STPG4: variants seen among roughly 807,000 people sequenced by gnomAD.
STPG4 encodes sperm-tail PG-rich repeat containing 4.
A neutral mutation model predicts 31.5 loss-of-function variants in STPG4; 41 were observed. The observed-to-expected ratio is 1.30, with a 90% CI of 1.01 to 1.69. The LOEUF (loss-of-function observed/expected upper bound fraction) is 1.69. Among genes scored for constraint, STPG4 ranks in the 40% most tolerant of loss-of-function variants. The pLI is 0.00. For synonymous variants in STPG4, 141 were observed against 103.0 expected, an observed-to-expected ratio of 1.37 and a Z score of -2.24; for missense variants, 375 against 293.4, an observed-to-expected ratio of 1.28 and a Z score of -2.03.
intron 3 of STPG4, among the ~76,000 whole-genome samples, chr2:47,131,630 TGGG>T (rs907935212): frequency 6.6e-6 from 1 of 152,026 alleles, no homozygotes; most frequent in African/African-American, 2.4e-5. Context: ...ATTGAAGATA[TGGG>T]GGTAGGAAGA....
chr2:47,110,332 G>A (rs568409706), intron 5 of STPG4, among the ~76,000 whole-genome samples: 5 of 152,296 alleles, frequency 3.3e-5, no homozygotes, highest in South Asian at 2.1e-4. Flanking sequence ...GGTGGCTCAC[G>A]CCTGTAATCC....
At chr2:47,119,441 T>G (rs889081596) in intron 5 of STPG4, among the ~76,000 whole-genome samples, 4 of 152,226 alleles carry the variant, frequency 2.6e-5, no homozygotes, top group South Asian at 2.1e-4. Flanking sequence ...ATCAACTACC[T>G]TCTGCTATTT....
rs561820728 is a variant in STPG4, at chr2:47,092,027, A to C, written c.520-1653T>G. On this transcript the variant is annotated intron_variant, in intron 5 of 6. Coordinates refer to ENST00000445927, the MANE Select transcript of STPG4 (RefSeq NM_001163561.2). ...TAAGTCAAAAATGCAAGCTGAACAA[A>C]TGTGCATTAAAAAAACTTGGAATGA... Among the ~76,000 whole-genome samples, 3 of 149,792 alleles carry C rather than the reference A, an allele frequency of 2.0e-5. No homozygotes were observed. In the South Asian group the frequency reaches 6.4e-4, roughly 32 times the overall value.
At chr2:47,152,267 C>A (rs1686953507) in intron 2 of STPG4, among the ~76,000 whole-genome samples, 1 of 152,216 alleles carries the variant, frequency 6.6e-6, no homozygotes, top group Non-Finnish European at 1.5e-5. Context: ...CCAGGATAAA[C>A]TGGCAGAGCA....
In STPG4 at chr2:47,130,184, G is replaced by A. The variant is rs763996392; in HGVS notation, c.464+12C>T. On this transcript the variant is annotated intron_variant, in intron 4 of 6. Coordinates refer to ENST00000445927, the MANE Select transcript of STPG4 (RefSeq NM_001163561.2). ...AACAGAAAGGCAGCTTATTTAATAA[G>A]TATATAATTACCTGGAAGCATATTT... 5.6e-6 allele frequency: 9 copies of A among 1,608,780 alleles called. No homozygotes were observed. In the South Asian group the frequency reaches 8.8e-5, roughly 16 times the overall value.
At chr2:47,134,256 T>G (rs568721521) in intron 3 of STPG4, among the ~76,000 whole-genome samples, 6 of 152,324 alleles carry the variant, frequency 3.9e-5, no homozygotes, top group Admixed American at 6.5e-5. Flanking sequence ...ACTCTTGGTG[T>G]TGTACTTTCA....
At chr2:47,149,042 C>T (rs944957249) in intron 3 of STPG4, among the ~76,000 whole-genome samples, 1 of 152,106 alleles carries the variant, frequency 6.6e-6, no homozygotes. Context: ...CTGAGTTCTG[C>T]TATTAAAACA....
intron 5 of STPG4, among the ~76,000 whole-genome samples, chr2:47,106,982 T>A (rs1315893130): frequency 6.6e-6 from 1 of 151,944 alleles, no homozygotes; most frequent in Non-Finnish European, 1.5e-5. Context: ...ACCTCCCCTC[T>A]GGAGGACACT....
chr2:47,092,997 T>C (rs1685602081), intron 5 of STPG4, among the ~76,000 whole-genome samples: 1 of 152,194 alleles, frequency 6.6e-6, no homozygotes, highest in Non-Finnish European at 1.5e-5. Context: ...TTCACCATAT[T>C]GGCCAGGCTG....
intron 3 of STPG4, among the ~76,000 whole-genome samples, chr2:47,141,589 G>A (rs887813825): frequency 6.0e-5 from 9 of 150,896 alleles, no homozygotes; most frequent in Non-Finnish European, 1.2e-4. Context: ...TAAATAAGCC[G>A]CTTGACTAAC....
At chr2:47,099,953 C>T (rs1685756477) in intron 5 of STPG4, among the ~76,000 whole-genome samples, 1 of 152,146 alleles carries the variant, frequency 6.6e-6, no homozygotes, top group African/African-American at 2.4e-5. Context: ...CTCGCTGGGT[C>T]TTAGCTGCCT....
At chr2:47,150,135 A>T (rs1236816484) in intron 3 of STPG4, among the ~76,000 whole-genome samples, 3 of 152,258 alleles carry the variant, frequency 2.0e-5, no homozygotes, top group Non-Finnish European at 2.9e-5. Context: ...ATGCTTAAGA[A>T]GGAAGCAACT....
chr2:47,131,277 C>T (rs188116822), intron 3 of STPG4, among the ~76,000 whole-genome samples: 286 of 152,216 alleles, frequency 1.9e-3, no homozygotes, highest in African/African-American at 6.3e-3. Context: ...CAGATGCGCA[C>T]CACCATACCT....
chr2:47,095,617 C>T (rs77280793), intron 5 of STPG4, among the ~76,000 whole-genome samples: 3,353 of 152,248 alleles, frequency 0.022, 98 homozygotes, highest in South Asian at 0.14. Context: ...CAGCTCATGT[C>T]TTTATTCAGC....
At chr2:47,108,910 A>G (rs1025994233) in intron 5 of STPG4, 1 of 152,294 alleles carries the variant, frequency 6.6e-6, no homozygotes, top group Admixed American at 6.5e-5. Context: ...GCCCTGGGGC[A>G]GCCATTTTGC....
At position 47,103,212 on chromosome 2, in the gene STPG4, A is replaced by G. The variant is rs369009324; in HGVS notation, c.520-12838T>C. ...AGGAGAACTAGAAAAAAGCCCATGA[A>G]TTATTCAATGATGTCCACCGTAACT... On this transcript the variant is annotated intron_variant, in intron 5 of 6. Coordinates refer to ENST00000445927, the MANE Select transcript of STPG4 (RefSeq NM_001163561.2). 3.9e-5 allele frequency among the ~76,000 whole-genome samples: 6 copies of G among 151,976 alleles called. No homozygotes were observed. The East Asian group carries it at 1.2e-3, about 29-fold the overall frequency.
chr2:47,126,599 TTA>T (rs1686370586), intron 5 of STPG4, among the ~76,000 whole-genome samples: 1 of 152,142 alleles, frequency 6.6e-6, no homozygotes, highest in Non-Finnish European at 1.5e-5. Flanking sequence ...AGTGCTGAGA[TTA>T]TAGGCATGAG....
At chr2:47,107,222 C>A (rs1456599959) in intron 5 of STPG4, among the ~76,000 whole-genome samples, 1 of 152,064 alleles carries the variant, frequency 6.6e-6, no homozygotes, top group Non-Finnish European at 1.5e-5. Context: ...TGTGGGAGCC[C>A]CTTTCTGGGC....
intron 6 of STPG4, among the ~76,000 whole-genome samples, chr2:47,087,346 G>A (rs550859953): frequency 1.3e-5 from 2 of 152,228 alleles, no homozygotes; most frequent in Non-Finnish European, 2.9e-5. Flanking sequence ...GAGGCTGGAG[G>A]GGGGCTAACA....
Sources: allele counts gnomAD v4.1 joint callset (sites outside exome capture counted in the v4.1 genomes callset), GRCh38; gene constraint gnomAD v4.1.1; transcripts MANE v1.5; gene names NCBI Gene and HGNC (gene_info 2026-07-23, HGNC 2026-07-21).